The following FILIP1 variants were observed in gnomAD, a reference collection of about 807,000 sequenced individuals.
FILIP1 encodes filamin-A-interacting protein 1.
FILIP1 carries 61 observed loss-of-function variants against 102.1 expected under a neutral mutation model. That is an observed-to-expected ratio of 0.60 (90% CI 0.49 to 0.74). The LOEUF (loss-of-function observed/expected upper bound fraction) is 0.74, where lower values mean the gene tolerates loss of function less well. FILIP1 is among the 30% of genes least tolerant of loss of function. FILIP1 has a pLI of 0.00. For synonymous variants in FILIP1, 491 were observed against 526.9 expected (o/e 0.93, Z 0.93); for missense variants, 1,314 against 1,441.2 (o/e 0.91, Z 1.43).
intron 1 of FILIP1, among the ~76,000 whole-genome samples, chr6:75,480,422 T>A: frequency 6.6e-6 from 1 of 151,990 alleles, no homozygotes; most frequent in East Asian, 1.9e-4. Flanking sequence ...TTTTTTTTTT[T>A]AAGAGACAGA....
intron 4 of FILIP1, among the ~76,000 whole-genome samples, chr6:75,345,843 C>T (rs1176284126): frequency 1.3e-5 from 2 of 152,166 alleles, no homozygotes; most frequent in Non-Finnish European, 2.9e-5. Context: ...AACCTCTTGG[C>T]ACAAGATGAG....
At chr6:75,328,975 T>G (rs1773973563) in intron 4 of FILIP1, among the ~76,000 whole-genome samples, 1 of 152,176 alleles carries the variant, frequency 6.6e-6, no homozygotes, top group African/African-American at 2.4e-5. Flanking sequence ...TTTGTTAGAC[T>G]TTTACTTTTC....
chr6:75,320,028 G>A (rs1337451245), intron 4 of FILIP1: 4 of 279,360 alleles, frequency 1.4e-5, no homozygotes, highest in East Asian at 8.1e-5. Flanking sequence ...GTGCCGGTCC[G>A]GCTCTCATTT....
chr6:75,362,997 A>G, intron 2 of FILIP1, 80 bp from the exon 3 acceptor site: 1 of 1,365,150 alleles, frequency 7.3e-7, no homozygotes, highest in Non-Finnish European at 1.0e-6. Flanking sequence ...CAGAGAGCTT[A>G]TTGAATACAT....
Position 75,414,863 on chromosome 6 carries a change from T to G in FILIP1, c.110A>C (p.Lys37Thr). Reference sequence around the variant, plus strand: ...CTTCCTATTTGATTTCTTCTTCTTTTTTGCATCTTCTGAGAGACTTTTTTC... The same window carrying G: ...CTTCCTATTTGATTTCTTCTTCTTTGTTGCATCTTCTGAGAGACTTTTTTC... ...AGEKSLSEDA[K>T]KKKKSNRKED... Residue 37 changes from lysine (K) to threonine (T), a missense_variant, in exon 2 of 6, where the codon AAA becomes ACA. Physicochemically the swap from Lys to Thr is moderately conservative, Grantham distance 78 (BLOSUM62 -1). Coordinates refer to ENST00000237172, the MANE Select transcript of FILIP1 (RefSeq NM_015687.5). 1 of 1,613,966 alleles carries G rather than the reference T, an allele frequency of 6.2e-7. No homozygotes were observed. The highest frequency in any genetic ancestry group is 2.2e-5 in the East Asian group (1 of 44,868).
intron 4 of FILIP1, among the ~76,000 whole-genome samples, chr6:75,321,441 G>T (rs562495402): frequency 1.3e-5 from 2 of 152,242 alleles, no homozygotes; most frequent in East Asian, 1.9e-4. Context: ...GTGCTAAAAA[G>T]CTTAGTAATT....
At chr6:75,423,262 A>G (rs1394330721) in intron 1 of FILIP1, among the ~76,000 whole-genome samples, 1 of 152,178 alleles carries the variant, frequency 6.6e-6, no homozygotes, top group African/African-American at 2.4e-5. Flanking sequence ...CTGAGCAAAA[A>G]TTTAAAAATT....
In FILIP1 at chr6:75,321,840, G is replaced by C. The variant is rs910866907; in HGVS notation, c.630-6638C>G. Among the ~76,000 whole-genome samples, 8 of 150,828 alleles carry C rather than the reference G, an allele frequency of 5.3e-5. No homozygotes were observed. The South Asian group carries it at 1.5e-3, about 28-fold the overall frequency. Reference sequence around the variant, plus strand: ...AGAAATGAATGTGATCTCCAAAGTAGAACATATCTAAAGAGAGAAAAAGGA... The same window carrying C: ...AGAAATGAATGTGATCTCCAAAGTACAACATATCTAAAGAGAGAAAAAGGA... On this transcript the variant is annotated intron_variant, in intron 4 of 5. Transcript: ENST00000237172.
intron 4 of FILIP1, among the ~76,000 whole-genome samples, chr6:75,318,259 G>A (rs1199254702): frequency 5.5e-5 from 7 of 126,342 alleles, no homozygotes; most frequent in Admixed American, 8.9e-5. Context: ...TTTTAGAGAC[G>A]AGATCTTGTT....
chr6:75,317,842 C>G (rs1482240179), intron 4 of FILIP1, among the ~76,000 whole-genome samples: 2 of 152,190 alleles, frequency 1.3e-5, no homozygotes, highest in African/African-American at 2.4e-5. Flanking sequence ...CCAGTTGGTA[C>G]AGCTGAGGGT....
intron 1 of FILIP1, among the ~76,000 whole-genome samples, chr6:75,438,929 G>A (rs1234682014): frequency 6.6e-6 from 1 of 151,880 alleles, no homozygotes; most frequent in Non-Finnish European, 1.5e-5. Context: ...AAACTAGAAA[G>A]ATTTTGAACG....
intron 2 of FILIP1, among the ~76,000 whole-genome samples, chr6:75,373,034 G>C (rs1278449528): frequency 6.6e-6 from 1 of 152,104 alleles, no homozygotes; most frequent in Non-Finnish European, 1.5e-5. Context: ...AAGAATCCAA[G>C]TATCCATTGA....
intron 1 of FILIP1, among the ~76,000 whole-genome samples, chr6:75,421,605 T>C (rs1054373547): frequency 2.0e-5 from 3 of 152,046 alleles, no homozygotes; most frequent in African/African-American, 7.2e-5. Context: ...CTCCACAACA[T>C]CTCTCTTCCC....
intron 1 of FILIP1, among the ~76,000 whole-genome samples, chr6:75,484,599 G>T (rs1283011855): frequency 1.3e-5 from 2 of 152,184 alleles, no homozygotes; most frequent in African/African-American, 2.4e-5. Flanking sequence ...ACCTCTGGGG[G>T]CATAGCCCAG....
At chr6:75,357,055 C>A (rs1408351515) in intron 3 of FILIP1, among the ~76,000 whole-genome samples, 1 of 152,184 alleles carries the variant, frequency 6.6e-6, no homozygotes, top group Non-Finnish European at 1.5e-5. Flanking sequence ...TTTCTTCAGG[C>A]CCTACCCAAC....
chr6:75,310,400 C>G (rs983304164), intron 5 of FILIP1, among the ~76,000 whole-genome samples: 4 of 152,228 alleles, frequency 2.6e-5, no homozygotes, highest in African/African-American at 9.6e-5. Flanking sequence ...TAAAGTGTAG[C>G]TGACACTCAA....
chr6:75,415,611 G>A (rs1245860878), intron 1 of FILIP1, among the ~76,000 whole-genome samples: 1 of 150,416 alleles, frequency 6.6e-6, no homozygotes, highest in Non-Finnish European at 1.5e-5. Context: ...GCAAAGGGAA[G>A]AGGAGGGTGG....
chr6:75,411,902 CT>C (rs1267072490), intron 2 of FILIP1, among the ~76,000 whole-genome samples: 9 of 152,056 alleles, frequency 5.9e-5, no homozygotes, highest in Non-Finnish European at 1.5e-5. Context: ...TATGCAGGCT[CT>C]TTTTTGGTTC....
exon 7 of FILIP1, chr6:75,292,144 G>A (rs927835225): frequency 2.0e-5 from 3 of 152,028 alleles, no homozygotes; most frequent in African/African-American, 7.2e-5. Flanking sequence ...AAACTTAAAA[G>A]GAAACAAAAT....
Sources: allele counts gnomAD v4.1 joint callset (sites outside exome capture counted in the v4.1 genomes callset), GRCh38; gene constraint gnomAD v4.1.1; transcripts MANE v1.5; gene names NCBI Gene and HGNC (gene_info 2026-07-23, HGNC 2026-07-21).